Variants in STK31 observed in about 807,000 individuals in gnomAD.
The protein encoded by STK31 is serine/threonine-protein kinase 31.
STK31 carries 89 observed loss-of-function variants against 129.7 expected under a neutral mutation model. The ratio of observed to expected loss-of-function variants is 0.69; its 90% CI spans 0.58 to 0.82. STK31 has a LOEUF of 0.82. Among genes scored for constraint, STK31 ranks in the 40% least tolerant of loss-of-function variants. The pLI, the probability that STK31 is intolerant of heterozygous loss-of-function variation, is 0.00. For synonymous variants in STK31, 448 were observed against 395.3 expected (o/e 1.13, Z -1.58); for missense variants, 1,187 against 1,176.4 (o/e 1.01, Z -0.13).
At chr7:23,767,643 G>C (rs1232903378) in intron 11 of STK31, among the ~76,000 whole-genome samples, 3 of 152,126 alleles carry the variant, frequency 2.0e-5, no homozygotes, top group African/African-American at 7.2e-5. Flanking sequence ...CAGCTCTTCT[G>C]TATTGGTTAT....
At chr7:23,814,135 G>T (rs1257774902) in intron 22 of STK31, among the ~76,000 whole-genome samples, 10 of 64,974 alleles carry the variant, frequency 1.5e-4, no homozygotes, top group Non-Finnish European at 3.3e-4. Context: ...GGAAACATCA[G>T]ATCTGGCTCA....
chr7:23,733,413 G>A (rs1383221296), intron 6 of STK31, among the ~76,000 whole-genome samples: 7 of 144,188 alleles, frequency 4.9e-5, no homozygotes, highest in Non-Finnish European at 9.0e-5. Context: ...TTTTTTTTGG[G>A]TAGTGATAGT....
intron 8 of STK31, among the ~76,000 whole-genome samples, chr7:23,745,827 A>G (rs1000437757): frequency 2.0e-5 from 3 of 151,938 alleles, no homozygotes; most frequent in African/African-American, 7.3e-5. Context: ...GTGAAAATGC[A>G]TGGTTGCCCT....
At chr7:23,825,590 A>G (rs1332210606) in intron 23 of STK31, among the ~76,000 whole-genome samples, 1 of 151,898 alleles carries the variant, frequency 6.6e-6, no homozygotes, top group Admixed American at 6.6e-5. Flanking sequence ...TTTTGTGTCT[A>G]TATGTACTTC....
At chr7:23,812,693 G>A (rs979605027) in intron 22 of STK31, among the ~76,000 whole-genome samples, 2 of 150,830 alleles carry the variant, frequency 1.3e-5, no homozygotes, top group South Asian at 2.1e-4. Flanking sequence ...CGAATCTTCA[G>A]TGACTTTTAT....
Position 23,727,328 on chromosome 7 carries a change from G to T in STK31, c.324+13G>T. 1 of 1,612,048 alleles carries T rather than the reference G, an allele frequency of 6.2e-7. No individual in the cohort carries two copies. Among genetic ancestry groups the T allele is most frequent in the Non-Finnish European group, 8.5e-7 (1 of 1,178,706 alleles). ...CAGCGTTGAAAAGGCAGGAAATTAA[G>T]TGTTCAGTTTTTTTTTGCTTTAAGA... On this transcript the variant is annotated intron_variant, in intron 5 of 23. Coordinates refer to ENST00000355870, the MANE Select transcript of STK31 (RefSeq NM_031414.5).
At chr7:23,737,156 C>A in intron 8 of STK31, 78 bp downstream of exon 8, 1 of 1,292,982 alleles carries the variant, frequency 7.7e-7, no homozygotes, top group Non-Finnish European at 1.0e-6. Flanking sequence ...ATTTTTCTGT[C>A]ACTTTCCTTT....
intron 8 of STK31, among the ~76,000 whole-genome samples, chr7:23,739,650 A>T (rs1584360875): frequency 6.6e-6 from 1 of 152,180 alleles, no homozygotes; most frequent in Admixed American, 6.5e-5. Flanking sequence ...TAATTTTTGT[A>T]TAAGGTGTAA....
At chr7:23,710,453 C>T in intron 1 of STK31, 118 bp downstream of exon 1, 1 of 1,570,170 alleles carries the variant, frequency 6.4e-7, no homozygotes, top group Non-Finnish European at 8.6e-7. Flanking sequence ...TTTTCTGTCA[C>T]CTTCTAGCCG....
intron 22 of STK31, among the ~76,000 whole-genome samples, chr7:23,806,002 A>G (rs1291080971): frequency 6.6e-6 from 1 of 152,162 alleles, no homozygotes; most frequent in Non-Finnish European, 1.5e-5. Flanking sequence ...GTGATGCCCC[A>G]TTTCAGAATT....
intron 8 of STK31, among the ~76,000 whole-genome samples, chr7:23,742,558 C>G (rs749272126): frequency 1.3e-5 from 2 of 152,174 alleles, no homozygotes; most frequent in East Asian, 1.9e-4. Context: ...CCTAGTGGAT[C>G]GAGGGTTTCT....
Position 23,808,970 on chromosome 7 carries a change from T to TGTGTGTGTGTGTGTGTGTGTGTGCGCGC in STK31, c.2761-6173_2761-6172insTGTGTGTGTGTGTGTGTGTGTGCGCGCG, listed in dbSNP as rs60631283. Reference sequence around the variant, plus strand: ...GTGTGTGTGTGTGTGTGTGTGTGTGTGCCTGTGTCTGTTGGCATTTCTGGG... The same window carrying TGTGTGTGTGTGTGTGTGTGTGTGCGCGC: ...GTGTGTGTGTGTGTGTGTGTGTGTGTGTGTGTGTGTGTGTGTGTGTGTGCGCGCGCCTGTGTCTGTTGGCATTTCTGGG... On this transcript the variant is annotated intron_variant, in intron 22 of 23. Coordinates refer to ENST00000355870, the MANE Select transcript of STK31 (RefSeq NM_031414.5). Among the ~76,000 whole-genome samples, 625 of 139,632 alleles carry TGTGTGTGTGTGTGTGTGTGTGTGCGCGC rather than the reference T, an allele frequency of 4.5e-3. 4 individuals are homozygous for TGTGTGTGTGTGTGTGTGTGTGTGCGCGC. The highest frequency in any genetic ancestry group is 0.011 in the African/African-American group (423 of 37,792). 91.6% of individuals were successfully genotyped at this position (139,632 alleles called of 152,430 possible).
At chr7:23,725,430 A>T (rs1423922597) in intron 4 of STK31, among the ~76,000 whole-genome samples, 1 of 150,378 alleles carries the variant, frequency 6.6e-6, no homozygotes. Flanking sequence ...GTAACCCCAG[A>T]TATTTGGGAG....
At chr7:23,770,954 C>A in intron 13 of STK31, 51 bp from the exon 14 acceptor site, 1 of 1,531,988 alleles carries the variant, frequency 6.5e-7, no homozygotes, top group Admixed American at 2.1e-5. Context: ...GAGGCCTTAG[C>A]TGTTTTGGAT....
At chr7:23,765,075 A>C (rs925487506) in intron 11 of STK31, among the ~76,000 whole-genome samples, 1 of 151,422 alleles carries the variant, frequency 6.6e-6, no homozygotes, top group Non-Finnish European at 1.5e-5. Context: ...ATTTTTCTTG[A>C]GATGGAGTCT....
intron 23 of STK31, among the ~76,000 whole-genome samples, 155 bp from the exon 24 acceptor site, chr7:23,831,981 T>G (rs1392568534): frequency 6.6e-6 from 1 of 150,400 alleles, no homozygotes; most frequent in Non-Finnish European, 1.5e-5. Context: ...TATTTTGGTG[T>G]TTTTTTTTGT....
Position 23,832,225 on chromosome 7 carries a change from G to A in STK31, c.2919G>A (p.Leu973=). The stretch of plus-strand genomic sequence containing the variant: ...AAGTTTTAAATGCTGAATGTTTCTT[G>A]ATGCCAAAGGAGCAATCAGTTCCAA... The part of the protein sequence containing the change: ...AEQVLNAECF[L]MPKEQSVPNP... Residue 973 remains leucine (L), a synonymous_variant, in exon 24 of 24, where the codon TTG becomes TTA. Coordinates refer to ENST00000355870, the MANE Select transcript of STK31 (RefSeq NM_031414.5). 1.2e-6 allele frequency: 2 copies of A among 1,614,048 alleles called. No individual in the cohort carries two copies. The highest frequency in any genetic ancestry group is 2.7e-5 in the African/African-American group (2 of 75,010).
At chr7:23,766,983 C>T (rs12531019) in intron 11 of STK31, among the ~76,000 whole-genome samples, 1 of 151,952 alleles carries the variant, frequency 6.6e-6, no homozygotes. Flanking sequence ...AATTAATCCT[C>T]TAGCTGTGTC....
At position 23,735,899 on chromosome 7, in the gene STK31, A is replaced by G. The variant is rs1372436754; in HGVS notation, c.842+3A>G. 2.4e-5 allele frequency: 37 copies of G among 1,561,158 alleles called. No homozygotes were observed. The highest frequency in any genetic ancestry group is 3.0e-5 in the Non-Finnish European group (35 of 1,154,054). On this transcript the variant is annotated splice_donor_region_variant and intron_variant, in intron 7 of 23. Transcript: ENST00000355870. ...GGCAATCTTATAACATTTCCAAAGT[A>G]AGAATTTAGTCTTCACTAATTTCTA...
Sources: allele counts gnomAD v4.1 joint callset (sites outside exome capture counted in the v4.1 genomes callset), GRCh38; gene constraint gnomAD v4.1.1; transcripts MANE v1.5; gene names NCBI Gene and HGNC (gene_info 2026-07-23, HGNC 2026-07-21).